The following PTPRE variants were observed in gnomAD, a reference collection of about 807,000 sequenced individuals.
The protein encoded by PTPRE is protein tyrosine phosphatase receptor type E.
In PTPRE, 51 loss-of-function variants were observed where a neutral mutation model predicts 102.0. That is an observed-to-expected ratio of 0.50 (90% CI 0.40 to 0.63). PTPRE has a LOEUF of 0.63. PTPRE is among the 30% of genes least tolerant of loss of function. PTPRE has a pLI of 0.00. For missense variants in PTPRE, 752 were observed against 915.1 expected, an observed-to-expected ratio of 0.82 and a Z score of 2.30; for synonymous variants, 345 against 348.2, an observed-to-expected ratio of 0.99 and a Z score of 0.10.
intron 8 of PTPRE, 35 bp downstream of exon 8, chr10:128,061,050 AGCT>A: frequency 6.3e-7 from 1 of 1,589,264 alleles, no homozygotes; most frequent in Non-Finnish European, 8.6e-7. Context: ...CCCCTGGCCC[AGCT>A]GGGGCATGAG....
At chr10:127,954,191 G>C (rs1289501011) in intron 1 of PTPRE, among the ~76,000 whole-genome samples, 1 of 152,172 alleles carries the variant, frequency 6.6e-6, no homozygotes, top group Non-Finnish European at 1.5e-5. Context: ...ATGGTGGCAG[G>C]GATGGAGGCT....
At chr10:127,968,359 C>T (rs544710773) in intron 1 of PTPRE, among the ~76,000 whole-genome samples, 6 of 152,216 alleles carry the variant, frequency 3.9e-5, no homozygotes, top group East Asian at 1.9e-4. Context: ...CAAGGGCCAC[C>T]GTGTGAAACC....
chr10:128,073,568 A>G, intron 17 of PTPRE, 97 bp downstream of exon 17: 1 of 1,460,928 alleles, frequency 6.8e-7, no homozygotes, highest in Non-Finnish European at 9.2e-7. Flanking sequence ...CATCACTGCA[A>G]ACACATGGGT....
At chr10:128,012,274 C>G (rs1181707184) in intron 2 of PTPRE, among the ~76,000 whole-genome samples, 1 of 152,202 alleles carries the variant, frequency 6.6e-6, no homozygotes, top group Non-Finnish European at 1.5e-5. Context: ...CTTTGCAACT[C>G]AAGGGTGATT....
chr10:128,076,609 T>C lies in PTPRE; in HGVS notation c.1606T>C (p.Cys536Arg). Residue 536 changes from cysteine (C) to arginine (R), a missense_variant, in exon 18 of 21, where the codon TGC becomes CGC. Around this residue, in one of 2 missense-constraint regions of PTPRE, gnomAD observed 636 missense variants for 824.4 expected, o/e 0.77. Coordinates refer to ENST00000254667, the MANE Select transcript of PTPRE (RefSeq NM_006504.6). The part of the protein sequence containing the change: ...TEVQEREQDK[C>R]YQYWPTEGSV... ...TTTTATTTTATCCCCTAAGGATAAA[T>C]GCTACCAGTATTGGCCAACCGAGGG... The C allele has an allele frequency of 1.3e-6, 2 of 1,591,832 alleles. No homozygotes were observed. The highest frequency in any genetic ancestry group is 1.7e-6 in the Non-Finnish European group (2 of 1,174,752).
At chr10:127,975,720 G>T (rs529784974) in intron 1 of PTPRE, among the ~76,000 whole-genome samples, 1 of 152,250 alleles carries the variant, frequency 6.6e-6, no homozygotes, top group East Asian at 1.9e-4. Context: ...CATCTTTAGC[G>T]TGTTCAGTTA....
At chr10:127,939,248 A>G (rs1029713839) in intron 1 of PTPRE, among the ~76,000 whole-genome samples, 1 of 152,250 alleles carries the variant, frequency 6.6e-6, no homozygotes, top group African/African-American at 2.4e-5. Flanking sequence ...ATAAAAGGGA[A>G]TCATTCCCGC....
intron 2 of PTPRE, among the ~76,000 whole-genome samples, chr10:127,997,595 A>G (rs1463398340): frequency 6.6e-6 from 1 of 152,258 alleles, no homozygotes; most frequent in Non-Finnish European, 1.5e-5. Flanking sequence ...ATATAAGTAC[A>G]TGTACATGTA....
At chr10:127,929,982 G>C (rs771846156) in intron 1 of PTPRE, among the ~76,000 whole-genome samples, 6 of 148,988 alleles carry the variant, frequency 4.0e-5, no homozygotes, top group African/African-American at 1.2e-4. Flanking sequence ...GCTTGAACCC[G>C]AGAGGCGAGG....
intron 2 of PTPRE, among the ~76,000 whole-genome samples, chr10:128,001,197 A>AGT (rs147227714): frequency 0.24 from 36,829 of 151,282 alleles, 4,518 homozygotes; most frequent in South Asian, 0.31. Context: ...GAGAGATCTG[A>AGT]GTGTGTGTGT....
chr10:128,007,634 C>T (rs1844609460), intron 2 of PTPRE, among the ~76,000 whole-genome samples: 2 of 152,206 alleles, frequency 1.3e-5, no homozygotes, highest in African/African-American at 2.4e-5. Context: ...TTTCTGAAGT[C>T]TGGTTGCTTT....
intron 19 of PTPRE, among the ~76,000 whole-genome samples, chr10:128,078,638 C>T (rs1851433120): frequency 6.6e-6 from 1 of 152,352 alleles, no homozygotes; most frequent in South Asian, 2.1e-4. Flanking sequence ...AGCTCTCTCC[C>T]TGCCTGGACC....
rs1850083649 is a variant in PTPRE at position 127,964,478 on chromosome 10, C to T, written c.-30-17796C>T. 2.0e-5 allele frequency among the ~76,000 whole-genome samples: 3 copies of T among 152,108 alleles called. No homozygotes were observed. The South Asian group carries it at 6.2e-4, about 31-fold the overall frequency. On this transcript the variant is annotated intron_variant, in intron 1 of 20. Coordinates refer to ENST00000254667, the MANE Select transcript of PTPRE (RefSeq NM_006504.6). ...GAGCCACCATACCCGGCCTCCTTTGCTTTTATCAAATGTAAACTTCTAGGA... is the reference window on the plus strand; with the variant it reads ...GAGCCACCATACCCGGCCTCCTTTGTTTTTATCAAATGTAAACTTCTAGGA...
At position 127,954,316 on chromosome 10, in the gene PTPRE, C is replaced by T. The variant is rs115535136; in HGVS notation, c.-30-27958C>T. ...TCAACATGGGGTCCCCAGTATGGCACCATTCTTTGGGGTGATCTGCCAGCC... is the reference window on the plus strand; with the variant it reads ...TCAACATGGGGTCCCCAGTATGGCATCATTCTTTGGGGTGATCTGCCAGCC... On this transcript the variant is annotated intron_variant, in intron 1 of 20. Coordinates refer to ENST00000254667, the MANE Select transcript of PTPRE (RefSeq NM_006504.6). Among the ~76,000 whole-genome samples the T allele has an allele frequency of 2.3e-3, 356 of 152,298 alleles. 1 individual carries two copies. Among genetic ancestry groups the T allele is most frequent in the African/African-American group, 8.3e-3 (344 of 41,570 alleles).
intron 1 of PTPRE, among the ~76,000 whole-genome samples, chr10:127,924,538 G>A (rs1376950438): frequency 1.3e-5 from 2 of 152,204 alleles, no homozygotes; most frequent in Non-Finnish European, 2.9e-5. Flanking sequence ...CAGGTGAGCT[G>A]TTTTAAGACC....
In PTPRE at chr10:128,017,881, G is replaced by A. The variant is rs543425611; in HGVS notation, c.-7-22994G>A. On this transcript the variant is annotated intron_variant, in intron 2 of 20. Transcript: ENST00000254667. The stretch of plus-strand genomic sequence containing the variant: ...AGCCTGGCTCAGACATCCACTGGGC[G>A]TCCTTCCACAAAACGACCTTCTCGG... Among the ~76,000 whole-genome samples the A allele has an allele frequency of 2.4e-3, 371 of 152,324 alleles. 2 individuals carry two copies. The highest frequency in any genetic ancestry group is 7.9e-3 in the African/African-American group (330 of 41,560).
intron 1 of PTPRE, among the ~76,000 whole-genome samples, chr10:127,975,497 G>A (rs1022961845): frequency 5.3e-5 from 8 of 152,094 alleles, no homozygotes; most frequent in Non-Finnish European, 1.0e-4. Context: ...ACAGGTTACC[G>A]TGGACAGCCG....
chr10:127,999,692 G>A lies in PTPRE; in HGVS notation c.-8+17396G>A, dbSNP rs145911407. 249 of 984,290 alleles carry A rather than the reference G, an allele frequency of 2.5e-4. 2 individuals carry two copies. The East Asian group carries it at 0.014, about 55-fold the overall frequency. The allele number at this position is 984,290 out of a possible 1,614,324, so 61.0% of individuals were successfully genotyped here. On this transcript the variant is annotated intron_variant, in intron 2 of 20. Transcript: ENST00000254667. ...CTGTGAATTATACATTTATTTTTAAGCATTTATTTCAACTCGAGATGAGCG... is the reference window on the plus strand; with the variant it reads ...CTGTGAATTATACATTTATTTTTAAACATTTATTTCAACTCGAGATGAGCG...
intron 2 of PTPRE, among the ~76,000 whole-genome samples, chr10:127,995,538 C>T (rs1853162485): frequency 1.3e-5 from 2 of 152,090 alleles, no homozygotes; most frequent in Non-Finnish European, 2.9e-5. Context: ...CTGTCCAGAC[C>T]CTGACGGTGG....
Sources: gnomAD v4.1 joint callset for allele counts (sites outside exome capture counted in the v4.1 genomes callset) on GRCh38, gnomAD v4.1.1 for gene constraint, gnomAD v4.1.1 regional missense constraint, MANE v1.5 for transcripts, NCBI Gene and HGNC (gene_info 2026-07-23, HGNC 2026-07-21) for gene names.